CNTN5: variants seen among roughly 807,000 people sequenced by gnomAD.
CNTN5 encodes the protein contactin 5, also known as contactin-5.
CNTN5 carries 77 observed loss-of-function variants against 129.1 expected under a neutral mutation model. That is an observed-to-expected ratio of 0.60 (90% confidence interval 0.50 to 0.72). The LOEUF is 0.72. CNTN5 is among the 30% of genes least tolerant of loss of function. The pLI is 0.00. For missense variants in CNTN5, 1,478 were observed against 1,328.8 expected (o/e 1.11, Z -1.75); for synonymous variants, 509 against 465.6 (o/e 1.09, Z -1.20).
chr11:99,144,104 A>T (rs935089333), intron 1 of CNTN5, among the ~76,000 whole-genome samples: 2 of 152,196 alleles, frequency 1.3e-5, no homozygotes, highest in African/African-American at 2.4e-5. Context: ...TACATATGAA[A>T]TACATTATTT....
intron 3 of CNTN5, among the ~76,000 whole-genome samples, chr11:99,687,710 G>T (rs1013849039): frequency 6.6e-6 from 1 of 152,132 alleles, no homozygotes; most frequent in Non-Finnish European, 1.5e-5. Flanking sequence ...AGATTATAGG[G>T]AACATAAGAT....
intron 8 of CNTN5, among the ~76,000 whole-genome samples, chr11:99,969,452 T>G (rs994425631): frequency 1.3e-5 from 2 of 152,116 alleles, no homozygotes; most frequent in African/African-American, 2.4e-5. Context: ...TTTATCTAAC[T>G]TTTTTTAATA....
At chr11:100,127,653 T>TTA (rs1325058624) in intron 13 of CNTN5, among the ~76,000 whole-genome samples, 1 of 95,124 alleles carries the variant, frequency 1.1e-5, no homozygotes, top group African/African-American at 4.4e-5. Flanking sequence ...CTTTCTTTCT[T>TTA]TTTTTTTTTT....
chr11:99,646,656 G>C (rs1053513499), intron 3 of CNTN5, among the ~76,000 whole-genome samples: 2 of 152,112 alleles, frequency 1.3e-5, no homozygotes, highest in African/African-American at 4.8e-5. Flanking sequence ...TAAGGAAAAA[G>C]AGTGCATTTT....
intron 1 of CNTN5, among the ~76,000 whole-genome samples, chr11:99,206,286 G>T (rs1225695228): frequency 4.6e-5 from 7 of 152,230 alleles, no homozygotes; most frequent in Middle Eastern, 3.4e-3. Context: ...GTCAGGCTTT[G>T]CTTTAGGAGG....
chr11:99,791,840 C>G (rs1945754239), intron 3 of CNTN5, among the ~76,000 whole-genome samples: 1 of 152,032 alleles, frequency 6.6e-6, no homozygotes, highest in Non-Finnish European at 1.5e-5. Flanking sequence ...TAGCTGTATT[C>G]CTAGGTATTT....
chr11:100,061,497 G>T, intron 10 of CNTN5, 104 bp downstream of exon 10: 1 of 794,420 alleles, frequency 1.3e-6, no homozygotes, highest in Non-Finnish European at 1.9e-6. Context: ...TAAAAACCAA[G>T]TAATAATTTA....
chr11:100,201,866 A>C (rs939999928), intron 15 of CNTN5, among the ~76,000 whole-genome samples: 2 of 151,910 alleles, frequency 1.3e-5, no homozygotes, highest in African/African-American at 4.8e-5. Context: ...GCCTTCAGTC[A>C]AAGAGAGTTA....
At chr11:100,163,305 ATATT>A (rs1362827627) in intron 13 of CNTN5, among the ~76,000 whole-genome samples, 1 of 151,736 alleles carries the variant, frequency 6.6e-6, no homozygotes, top group Non-Finnish European at 1.5e-5. Context: ...TATTATATAC[ATATT>A]TAAACTTGTT....
intron 2 of CNTN5, among the ~76,000 whole-genome samples, chr11:99,345,336 G>A (rs1028274086): frequency 2.6e-5 from 4 of 152,084 alleles, no homozygotes; most frequent in African/African-American, 4.8e-5. Context: ...TGAATCTAAT[G>A]ACTTATTAGG....
intron 21 of CNTN5, among the ~76,000 whole-genome samples, chr11:100,319,301 C>A (rs1227989806): frequency 6.6e-6 from 1 of 151,918 alleles, no homozygotes; most frequent in Non-Finnish European, 1.5e-5. Context: ...TACAGGCACG[C>A]ACCACTGTGC....
chr11:99,860,651 T>G (rs1948174953), intron 6 of CNTN5, among the ~76,000 whole-genome samples: 1 of 152,158 alleles, frequency 6.6e-6, no homozygotes, highest in Non-Finnish European at 1.5e-5. Context: ...CTCTATTCTG[T>G]TCCATTGGTC....
At chr11:99,153,491 T>A (rs1565360054) in intron 1 of CNTN5, among the ~76,000 whole-genome samples, 3 of 151,632 alleles carry the variant, frequency 2.0e-5, no homozygotes, top group Non-Finnish European at 1.5e-5. Flanking sequence ...AGATCAGGTT[T>A]TTTTTTTTTT....
intron 1 of CNTN5, among the ~76,000 whole-genome samples, chr11:99,284,645 G>C (rs1309556017): frequency 8.4e-6 from 1 of 118,364 alleles, no homozygotes; most frequent in Non-Finnish European, 1.8e-5. Context: ...GTGTGTGTGT[G>C]TGTGTGTGTG....
At chr11:99,435,912 A>G (rs1365996522) in intron 2 of CNTN5, among the ~76,000 whole-genome samples, 1 of 152,206 alleles carries the variant, frequency 6.6e-6, no homozygotes, top group Non-Finnish European at 1.5e-5. Flanking sequence ...TCTGGTCTGT[A>G]ACAGATATAT....
At chr11:99,698,735 C>A (rs982329094) in intron 3 of CNTN5, among the ~76,000 whole-genome samples, 1 of 151,134 alleles carries the variant, frequency 6.6e-6, no homozygotes, top group African/African-American at 2.4e-5. Context: ...ATACTTGTTA[C>A]ATTTTCCCAC....
intron 3 of CNTN5, among the ~76,000 whole-genome samples, chr11:99,665,794 C>T (rs1346393383): frequency 1.3e-5 from 2 of 151,686 alleles, no homozygotes; most frequent in East Asian, 1.9e-4. Flanking sequence ...GCCTAGAGTA[C>T]GATGTATCTT....
chr11:100,071,485 C>T lies in CNTN5; in HGVS notation c.1300-220C>T, dbSNP rs541089053. ...AAAGTAAAACTTGTCAGAATAACTACAAAAAAATTGTAATTTCTTTTTCAA... is the reference window on the plus strand; with the variant it reads ...AAAGTAAAACTTGTCAGAATAACTATAAAAAAATTGTAATTTCTTTTTCAA... On this transcript the variant is annotated intron_variant, in intron 11 of 24. Transcript: ENST00000524871. 5.3e-5 allele frequency among the ~76,000 whole-genome samples: 8 copies of T among 152,092 alleles called. No homozygotes were observed. The East Asian group carries it at 7.7e-4, about 15-fold the overall frequency.
At chr11:99,817,620 T>TTC (rs55913209) in intron 3 of CNTN5, among the ~76,000 whole-genome samples, 22 of 124,744 alleles carry the variant, frequency 1.8e-4, no homozygotes, top group South Asian at 4.9e-4. Flanking sequence ...TTTTTTTTTT[T>TTC]CCTTTATAAA....
Sources: gnomAD v4.1 joint callset for allele counts (sites outside exome capture counted in the v4.1 genomes callset) on GRCh38, gnomAD v4.1.1 for gene constraint, MANE v1.5 for transcripts, NCBI Gene and HGNC (gene_info 2026-07-23, HGNC 2026-07-21) for gene names.